The following CSMD1 variants were observed in gnomAD, a reference collection of about 807,000 sequenced individuals.
The protein encoded by CSMD1 is CUB and Sushi multiple domains 1.
A neutral mutation model predicts 417.5 loss-of-function variants in CSMD1; 213 were observed. The observed-to-expected ratio is 0.51, with a 90% confidence interval of 0.46 to 0.57. CSMD1 has a LOEUF of 0.57. CSMD1 is among the 20% of genes least tolerant of loss of function. The probability of loss-of-function intolerance (pLI) is 0.00; values close to 1 mark genes in which losing one functional copy is unlikely to be tolerated. For missense variants in CSMD1, 6,923 were observed against 4,529.7 expected, an observed-to-expected ratio of 1.53 and a Z score of -15.17; for synonymous variants, 2,862 against 1,736.8, an observed-to-expected ratio of 1.65 and a Z score of -16.11.
intron 3 of CSMD1, among the ~76,000 whole-genome samples, chr8:4,244,661 G>C (rs972453696): frequency 5.3e-5 from 8 of 151,940 alleles, no homozygotes; most frequent in Admixed American, 5.3e-4. Flanking sequence ...GTTATTACAT[G>C]ACAGATTTAA....
intron 3 of CSMD1, among the ~76,000 whole-genome samples, chr8:4,224,471 C>T (rs1801227156): frequency 6.6e-6 from 1 of 151,856 alleles, no homozygotes; most frequent in Admixed American, 6.6e-5. Flanking sequence ...GGAATAGTTG[C>T]TCTGACCCAT....
rs202016068 is a variant in CSMD1 at position 4,961,686 on chromosome 8, G to GT, written c.85+32645dup. On this transcript the variant is annotated intron_variant, in intron 1 of 69. Transcript: ENST00000635120. ...CAAGTTGTATAGAGTAATTTTTATT[G>GT]TTTTTTTTCTGAAATGATAACGTAA... is the stretch of plus-strand genomic sequence containing the variant. Among the ~76,000 whole-genome samples, 853 of 151,376 alleles carry GT rather than the reference G, an allele frequency of 5.6e-3. 7 individuals are homozygous for GT. The highest frequency in any genetic ancestry group is 0.018 in the African/African-American group (759 of 41,282).
chr8:3,896,588 C>T (rs930503170), intron 5 of CSMD1, among the ~76,000 whole-genome samples: 2 of 151,898 alleles, frequency 1.3e-5, no homozygotes, highest in East Asian at 1.9e-4. Context: ...CTCGGCTCAC[C>T]GCAAGCTCTG....
chr8:4,944,200 T>C (rs932640506), intron 1 of CSMD1, among the ~76,000 whole-genome samples: 1 of 152,158 alleles, frequency 6.6e-6, no homozygotes, highest in Admixed American at 6.5e-5. Flanking sequence ...TGGAAATTCC[T>C]AGTGTATGTA....
intron 3 of CSMD1, among the ~76,000 whole-genome samples, chr8:4,092,110 G>C (rs959531279): frequency 2.6e-5 from 4 of 152,104 alleles, no homozygotes; most frequent in Non-Finnish European, 5.9e-5. Context: ...ATTATTCTTA[G>C]AGAAATACTT....
chr8:4,169,745 G>A, intron 3 of CSMD1, among the ~76,000 whole-genome samples: 1 of 152,054 alleles, frequency 6.6e-6, no homozygotes, highest in East Asian at 1.9e-4. Flanking sequence ...AGGTTCAAAC[G>A]CCCCCTTGAG....
chr8:3,353,569 C>A (rs1331601804), intron 21 of CSMD1, among the ~76,000 whole-genome samples: 1 of 152,108 alleles, frequency 6.6e-6, no homozygotes, highest in Non-Finnish European at 1.5e-5. Flanking sequence ...TCCCGTAGGA[C>A]GTAATTTAAT....
Position 3,358,604 on chromosome 8 carries a change from G to A in CSMD1, c.3304+548C>T, listed in dbSNP as rs549960910. Among the ~76,000 whole-genome samples, 12 of 152,200 alleles carry A rather than the reference G, an allele frequency of 7.9e-5. No homozygotes were observed. The South Asian group carries it at 8.3e-4, about 11-fold the overall frequency. On this transcript the variant is annotated intron_variant, in intron 21 of 69. Transcript: ENST00000635120. ...GAAATAAAAATTCCTGTTACTCTTCGGAATTATCTCTTGGATTCCTCCAGA... is the reference window on the plus strand; with the variant it reads ...GAAATAAAAATTCCTGTTACTCTTCAGAATTATCTCTTGGATTCCTCCAGA...
chr8:4,750,678 A>G (rs1444587261), intron 1 of CSMD1, among the ~76,000 whole-genome samples: 1 of 152,086 alleles, frequency 6.6e-6, no homozygotes, highest in South Asian at 2.1e-4. Flanking sequence ...TTACAAATTC[A>G]TTGTGATTAA....
At position 3,811,799 on chromosome 8, in the gene CSMD1, C is replaced by G. The variant is rs560378004; in HGVS notation, c.819-57757G>C. On this transcript the variant is annotated intron_variant, in intron 5 of 69. Coordinates refer to ENST00000635120, the MANE Select transcript of CSMD1 (RefSeq NM_033225.6). ...GAGATGAGGAGAATCAGTGCTATGT[C>G]TACACTGCTTCAGCAACTTTAAGGG... is the stretch of plus-strand genomic sequence containing the variant. Among the ~76,000 whole-genome samples the G allele has an allele frequency of 9.8e-5, 15 of 152,286 alleles. No individual in the cohort carries two copies. The South Asian group carries it at 2.5e-3, about 25-fold the overall frequency.
chr8:2,969,360 G>A (rs952593201), intron 57 of CSMD1, among the ~76,000 whole-genome samples: 3 of 152,140 alleles, frequency 2.0e-5, no homozygotes, highest in African/African-American at 7.2e-5. Context: ...TTTTAGTTAT[G>A]TAATGCAACT....
intron 3 of CSMD1, among the ~76,000 whole-genome samples, chr8:4,217,924 T>G (rs1423753285): frequency 6.6e-6 from 1 of 152,102 alleles, no homozygotes; most frequent in African/African-American, 2.4e-5. Flanking sequence ...AGAACAAGAT[T>G]CAGGAGCAAA....
chr8:2,984,977 G>C (rs1805754542), intron 54 of CSMD1, among the ~76,000 whole-genome samples: 1 of 152,154 alleles, frequency 6.6e-6, no homozygotes, highest in Non-Finnish European at 1.5e-5. Flanking sequence ...ACTTCTTTAA[G>C]TTTGAATTTT....
intron 3 of CSMD1, among the ~76,000 whole-genome samples, chr8:4,403,440 CT>C (rs1563137378): frequency 6.6e-6 from 1 of 152,134 alleles, no homozygotes; most frequent in Non-Finnish European, 1.5e-5. Flanking sequence ...TGCCATTCGA[CT>C]CAAAATGTCC....
chr8:3,774,190 C>G (rs1241293158), intron 5 of CSMD1, among the ~76,000 whole-genome samples: 1 of 152,090 alleles, frequency 6.6e-6, no homozygotes, highest in African/African-American at 2.4e-5. Flanking sequence ...ACCGCCTGAC[C>G]CTTCAACCTT....
intron 1 of CSMD1, among the ~76,000 whole-genome samples, chr8:4,857,958 C>A (rs540854417): frequency 1.3e-5 from 2 of 151,902 alleles, no homozygotes; most frequent in Non-Finnish European, 2.9e-5. Flanking sequence ...AGAGACACAA[C>A]CAAAAAAGAG....
intron 2 of CSMD1, among the ~76,000 whole-genome samples, chr8:4,534,747 G>C (rs182866812): frequency 1.1e-4 from 16 of 151,992 alleles, no homozygotes; most frequent in Admixed American, 9.2e-4. Context: ...CTCCATCCAC[G>C]TACAATTTCT....
At chr8:4,584,430 C>T (rs1197802555) in intron 2 of CSMD1, among the ~76,000 whole-genome samples, 4 of 152,122 alleles carry the variant, frequency 2.6e-5, no homozygotes, top group Non-Finnish European at 5.9e-5. Context: ...TACCGGGCAC[C>T]TGTCGGCCAG....
chr8:3,295,875 C>T (rs1398131072), intron 25 of CSMD1, among the ~76,000 whole-genome samples: 2 of 151,970 alleles, frequency 1.3e-5, no homozygotes, highest in Non-Finnish European at 2.9e-5. Context: ...TGATTTAGTT[C>T]AATAATTCAA....
Sources: allele counts gnomAD v4.1 joint callset (sites outside exome capture counted in the v4.1 genomes callset), GRCh38; gene constraint gnomAD v4.1.1; transcripts MANE v1.5; gene names NCBI Gene and HGNC (gene_info 2026-07-23, HGNC 2026-07-21).